The following DYNC2H1 variants were observed in gnomAD, a reference collection of about 807,000 sequenced individuals.
DYNC2H1 encodes the protein dynein cytoplasmic 2 heavy chain 1.
Under a neutral mutation model 570.0 loss-of-function variants are expected in DYNC2H1, and 410 were observed. That is an observed-to-expected ratio of 0.72 (90% CI 0.66 to 0.78). DYNC2H1 has a LOEUF of 0.78. DYNC2H1 is among the 30% of genes least tolerant of loss of function. The pLI is 0.00. For synonymous variants in DYNC2H1, 1,688 were observed against 1,677.6 expected (o/e 1.01, Z -0.15); for missense variants, 4,865 against 5,046.4 (o/e 0.96, Z 1.09).
chr11:103,412,227 G>T (rs1224431040), intron 84 of DYNC2H1, among the ~76,000 whole-genome samples: 1 of 152,114 alleles, frequency 6.6e-6, no homozygotes, highest in Non-Finnish European at 1.5e-5. Flanking sequence ...TTAGGAAAGA[G>T]TTCAGTACTT....
Position 103,148,023 on chromosome 11 carries a change from A to G in DYNC2H1, c.2818+136A>G, listed in dbSNP as rs946115139. The G allele has an allele frequency of 1.6e-5, 10 of 630,928 alleles. No individual in the cohort carries two copies. In the African/African-American group the frequency reaches 1.7e-4, roughly 11 times the overall value. The allele number at this position is 630,928 out of a possible 1,614,324, so 39.1% of individuals were successfully genotyped here. On this transcript the variant is annotated intron_variant, in intron 19 of 88. Coordinates refer to ENST00000375735, the MANE Select transcript of DYNC2H1 (RefSeq NM_001377.3). ...AATTTAAAAAAAGCAGGAAAAGTCC[A>G]TATTCAATCATTAGGAGGTCTAATG...
At position 103,325,327 on chromosome 11, in the gene DYNC2H1, G is replaced by A. The variant is rs963936518; in HGVS notation, c.12039+1337G>A. Among the ~76,000 whole-genome samples the A allele has an allele frequency of 2.0e-5, 3 of 152,202 alleles. No homozygotes were observed. The highest frequency in any genetic ancestry group is 7.2e-5 in the African/African-American group (3 of 41,454). On this transcript the variant is annotated intron_variant, in intron 82 of 88. Transcript: ENST00000375735. The surrounding 1 kb of genome is among the most constrained non-coding windows in gnomAD (Gnocchi z 4.8). ...TGTATTTCCTAGGTTGTCTCCCATG[G>A]TTTTTATAGTTTTAGCTTTTACATT...
At chr11:103,196,776 G>A (rs944379874) in intron 47 of DYNC2H1, among the ~76,000 whole-genome samples, 1 of 152,046 alleles carries the variant, frequency 6.6e-6, no homozygotes, top group Non-Finnish European at 1.5e-5. Context: ...AGGTCATGTT[G>A]GGATAATGAT....
intron 74 of DYNC2H1, among the ~76,000 whole-genome samples, chr11:103,286,848 G>C (rs1866370442): frequency 6.6e-6 from 1 of 152,122 alleles, no homozygotes; most frequent in African/African-American, 2.4e-5. Flanking sequence ...AGAAGTTGAT[G>C]CTCCAGAAAA....
intron 82 of DYNC2H1, among the ~76,000 whole-genome samples, chr11:103,327,569 G>A (rs966002978): frequency 6.6e-6 from 1 of 152,076 alleles, no homozygotes; most frequent in African/African-American, 2.4e-5. Context: ...TATCATTCAG[G>A]TTCTAGGGGA....
chr11:103,345,340 A>C (rs553247959), intron 82 of DYNC2H1, among the ~76,000 whole-genome samples: 1 of 151,952 alleles, frequency 6.6e-6, no homozygotes, highest in African/African-American at 2.4e-5. Flanking sequence ...ATGTCTCCCT[A>C]CTGCATAAGC....
At chr11:103,389,085 T>C (rs1375918209) in intron 83 of DYNC2H1, among the ~76,000 whole-genome samples, 1 of 152,240 alleles carries the variant, frequency 6.6e-6, no homozygotes, top group Non-Finnish European at 1.5e-5. Flanking sequence ...TGGTACCAGC[T>C]CCTCCTTGTA....
At chr11:103,392,832 G>C (rs3018519) in intron 83 of DYNC2H1, among the ~76,000 whole-genome samples, 101,736 of 151,110 alleles carry the variant, frequency 0.67, 34,326 homozygotes, top group Admixed American at 0.73. Context: ...GTATGATATT[G>C]TATGTTATTC....
At chr11:103,166,253 G>C (rs540122513) in intron 31 of DYNC2H1, among the ~76,000 whole-genome samples, 1 of 151,910 alleles carries the variant, frequency 6.6e-6, no homozygotes, top group South Asian at 2.1e-4. Context: ...TACCATATAG[G>C]CTTCTTTATC....
At chr11:103,473,043 A>T (rs1192523017) in intron 88 of DYNC2H1, among the ~76,000 whole-genome samples, 3 of 152,182 alleles carry the variant, frequency 2.0e-5, no homozygotes, top group Non-Finnish European at 4.4e-5. Flanking sequence ...GGTGATACTT[A>T]AAAAAGGGTA....
intron 83 of DYNC2H1, among the ~76,000 whole-genome samples, chr11:103,359,041 G>C (rs1375543263): frequency 6.6e-6 from 1 of 152,142 alleles, no homozygotes; most frequent in Non-Finnish European, 1.5e-5. Context: ...GTGAAATACA[G>C]GTTAACTTGT....
At chr11:103,200,216 A>ATT (rs1862664400) in intron 50 of DYNC2H1, 62 bp downstream of exon 50, 1 of 1,254,492 alleles carries the variant, frequency 8.0e-7, no homozygotes, top group African/African-American at 1.5e-5. Flanking sequence ...ATCCAAGTAA[A>ATT]ATTATCTTGT....
intron 87 of DYNC2H1, among the ~76,000 whole-genome samples, chr11:103,457,258 C>A (rs1280039949): frequency 6.6e-6 from 1 of 152,084 alleles, no homozygotes; most frequent in Non-Finnish European, 1.5e-5. Flanking sequence ...CTATATAATA[C>A]CTTTTATCAT....
In DYNC2H1 at chr11:103,189,294, T is replaced by C. The variant is rs1240598760; in HGVS notation, c.7293-378T>C. 6.6e-6 allele frequency among the ~76,000 whole-genome samples: 1 copy of C among 152,108 alleles called. No individual in the cohort carries two copies. Among genetic ancestry groups the C allele is most frequent in the Non-Finnish European group, 1.5e-5 (1 of 68,010 alleles). On this transcript the variant is annotated intron_variant, in intron 44 of 88. Coordinates refer to ENST00000375735, the MANE Select transcript of DYNC2H1 (RefSeq NM_001377.3). The surrounding 1 kb of genome is among the most constrained non-coding windows in gnomAD (Gnocchi z 4.3). ...TTTGGGAGAAAGGGGTTGATTTTAT[T>C]TGTTGTATTAGTTTTACTTTTATAG... is the stretch of plus-strand genomic sequence containing the variant.
At chr11:103,397,301 A>G (rs188635507) in intron 83 of DYNC2H1, among the ~76,000 whole-genome samples, 46 of 151,570 alleles carry the variant, frequency 3.0e-4, no homozygotes, top group Non-Finnish European at 1.0e-4. Context: ...AATCAATTGT[A>G]TTTACTCAAT....
At chr11:103,422,804 C>T (rs760164032) in intron 84 of DYNC2H1, among the ~76,000 whole-genome samples, 1 of 152,128 alleles carries the variant, frequency 6.6e-6, no homozygotes, top group Non-Finnish European at 1.5e-5. Flanking sequence ...CCTCACCACT[C>T]CTATTCAACA....
rs1861744957 is a variant in DYNC2H1, at chr11:103,179,056, A to T, written c.6170A>T (p.Asp2057Val). Residue 2057 changes from aspartate to valine, a missense_variant, in exon 39 of 89, where the codon GAT (aspartate) becomes GTT (valine). This residue lies in a region of DYNC2H1 where 231 missense variants were observed against 310.3 expected (regional missense o/e 0.74). Coordinates refer to ENST00000375735, the MANE Select transcript of DYNC2H1 (RefSeq NM_001377.3). The part of the protein sequence containing the change: ...DVSSWIICDG[D>V]IDPEWIESLN... The stretch of plus-strand genomic sequence containing the variant: ...AGCTCATGGATAATCTGTGATGGTG[A>T]TATTGACCCTGAATGGATAGAATCT... 5 of 1,611,714 alleles carry T rather than the reference A, an allele frequency of 3.1e-6. No individual in the cohort carries two copies. Among genetic ancestry groups the T allele is most frequent in the Non-Finnish European group, 4.2e-6 (5 of 1,178,392 alleles).
chr11:103,396,042 T>A (rs1361922496), intron 83 of DYNC2H1, among the ~76,000 whole-genome samples: 1 of 152,216 alleles, frequency 6.6e-6, no homozygotes, highest in Non-Finnish European at 1.5e-5. Flanking sequence ...TTTATCTTCC[T>A]TATCATAGAA....
intron 84 of DYNC2H1, chr11:103,402,487 C>T (rs1942683235): frequency 6.6e-6 from 1 of 152,006 alleles, no homozygotes. Context: ...GAAGTGAAAT[C>T]ACATGGCCAG....
Sources: allele counts gnomAD v4.1 joint callset (sites outside exome capture counted in the v4.1 genomes callset), GRCh38; gene constraint gnomAD v4.1.1; regional missense constraint gnomAD v4.1.1; non-coding constraint Gnocchi (gnomAD v3.1); transcripts MANE v1.5; gene names NCBI Gene and HGNC (gene_info 2026-07-23, HGNC 2026-07-21).